NCKAP5: variants seen among roughly 807,000 people sequenced by gnomAD.
NCKAP5 encodes nck-associated protein 5.
NCKAP5 carries 92 observed loss-of-function variants against 167.0 expected under a neutral mutation model. That is an observed-to-expected ratio of 0.55 (90% confidence interval 0.47 to 0.66). The LOEUF is 0.66. Ranked by LOEUF, NCKAP5 falls within the 30% of genes least tolerant of loss-of-function variation. NCKAP5 has a pLI of 0.00. For missense variants in NCKAP5, 2,378 were observed against 2,315.0 expected (o/e 1.03, Z -0.56); for synonymous variants, 891 against 877.4 (o/e 1.02, Z -0.27).
chr2:133,443,740 C>T (rs1052646324), intron 3 of NCKAP5, among the ~76,000 whole-genome samples: 4 of 152,154 alleles, frequency 2.6e-5, no homozygotes, highest in African/African-American at 9.7e-5. Context: ...TTCTTCCTAC[C>T]CTAGAGCTGT....
At position 132,783,190 on chromosome 2, in the gene NCKAP5, A is replaced by G. The variant is rs202180979; in HGVS notation, c.3621T>C (p.Asn1207=). 3.1e-6 allele frequency: 5 copies of G among 1,613,912 alleles called. No homozygotes were observed. The Admixed American group carries it at 5.0e-5, about 16-fold the overall frequency. Residue 1207 remains asparagine (N), a synonymous_variant, in exon 14 of 20, where the codon AAT becomes AAC. Transcript: ENST00000409261. The part of the protein sequence containing the change: ...ASMEITAGER[N]VTLPDSQAQG... The stretch of plus-strand genomic sequence containing the variant: ...GTGCTTGTGAATCCGGTAGGGTCAC[A>G]TTTCTTTCACCCGCTGTGATCTCCA...
chr2:132,965,372 A>T (rs1299542638), intron 7 of NCKAP5, among the ~76,000 whole-genome samples: 1 of 152,158 alleles, frequency 6.6e-6, no homozygotes, highest in African/African-American at 2.4e-5. Flanking sequence ...TTACATTTCC[A>T]AGATAAGGAA....
intron 11 of NCKAP5, among the ~76,000 whole-genome samples, chr2:132,804,044 T>C (rs1685240142): frequency 6.6e-6 from 1 of 151,854 alleles, no homozygotes; most frequent in African/African-American, 2.4e-5. Flanking sequence ...AGCTCCCAAA[T>C]CTCTTGAAGT....
intron 5 of NCKAP5, among the ~76,000 whole-genome samples, chr2:133,174,588 C>G (rs1203826588): frequency 6.6e-6 from 1 of 152,046 alleles, no homozygotes. Flanking sequence ...ATTGTACCAG[C>G]TTTGGTTATT....
chr2:133,553,477 G>A (rs1186638308), intron 2 of NCKAP5, among the ~76,000 whole-genome samples: 2 of 152,170 alleles, frequency 1.3e-5, no homozygotes, highest in Admixed American at 1.3e-4. Context: ...TGGAAATAGG[G>A]GTTGAAAAAG....
intron 3 of NCKAP5, among the ~76,000 whole-genome samples, chr2:133,376,636 C>G (rs748199268): frequency 6.6e-6 from 1 of 152,198 alleles, no homozygotes; most frequent in Non-Finnish European, 1.5e-5. Flanking sequence ...AACACAGACT[C>G]TATTACAGCA....
chr2:133,431,976 T>G (rs189257579), intron 3 of NCKAP5, among the ~76,000 whole-genome samples: 1 of 152,256 alleles, frequency 6.6e-6, no homozygotes, highest in East Asian at 1.9e-4. Context: ...AGAAATAAAT[T>G]TGTTTCTCTC....
intron 5 of NCKAP5, among the ~76,000 whole-genome samples, chr2:133,198,280 TG>T (rs2085527068): frequency 6.6e-6 from 1 of 152,110 alleles, no homozygotes; most frequent in South Asian, 2.1e-4. Flanking sequence ...AAGACAAATT[TG>T]CTGATTCAAG....
intron 3 of NCKAP5, among the ~76,000 whole-genome samples, chr2:133,370,121 C>T (rs927239684): frequency 2.3e-4 from 35 of 152,288 alleles, no homozygotes; most frequent in Middle Eastern, 6.8e-3. Context: ...CGGGGGAAGA[C>T]AGGAGACCTT....
chr2:132,773,962 G>A, intron 15 of NCKAP5, 68 bp from the exon 16 acceptor site: 1 of 1,312,180 alleles, frequency 7.6e-7, no homozygotes, highest in Non-Finnish European at 1.1e-6. Context: ...GCAATCCTCA[G>A]AGTAATGGTA....
chr2:133,441,270 T>C (rs1048111270), intron 3 of NCKAP5, among the ~76,000 whole-genome samples: 1 of 152,236 alleles, frequency 6.6e-6, no homozygotes, highest in African/African-American at 2.4e-5. Context: ...GTTGACGCTA[T>C]ACCTGACATT....
chr2:133,566,929 C>T (rs1055275889), intron 1 of NCKAP5, among the ~76,000 whole-genome samples: 1 of 152,216 alleles, frequency 6.6e-6, no homozygotes, highest in Non-Finnish European at 1.5e-5. Context: ...GGATGTTACC[C>T]ACCTTAGGAC....
At chr2:133,458,624 G>A (rs1040299571) in intron 3 of NCKAP5, among the ~76,000 whole-genome samples, 2 of 152,036 alleles carry the variant, frequency 1.3e-5, no homozygotes, top group African/African-American at 2.4e-5. Flanking sequence ...CTACCACAAG[G>A]GAAAAGTAAG....
At chr2:133,183,556 G>C in intron 5 of NCKAP5, among the ~76,000 whole-genome samples, 1 of 131,864 alleles carries the variant, frequency 7.6e-6, no homozygotes, top group Non-Finnish European at 1.6e-5. Context: ...AATGGGAATG[G>C]AGGGGAACTT....
At chr2:132,807,273 G>GT (rs903437087) in intron 11 of NCKAP5, among the ~76,000 whole-genome samples, 2 of 151,778 alleles carry the variant, frequency 1.3e-5, no homozygotes, top group African/African-American at 2.4e-5. Flanking sequence ...TTTTAGAATT[G>GT]TTTTTTTCTA....
chr2:133,191,828 T>C (rs958026585), intron 5 of NCKAP5, among the ~76,000 whole-genome samples: 13 of 151,766 alleles, frequency 8.6e-5, no homozygotes, highest in Admixed American at 3.9e-4. Flanking sequence ...AAATGATGAG[T>C]TCATGGGTGC....
intron 8 of NCKAP5, among the ~76,000 whole-genome samples, chr2:132,887,687 C>A (rs960128189): frequency 9.9e-5 from 15 of 152,268 alleles, no homozygotes; most frequent in African/African-American, 3.6e-4. Context: ...GGCTCTGTCA[C>A]CCAGGCTGGA....
At chr2:132,705,501 T>G (rs10439200) in intron 19 of NCKAP5, among the ~76,000 whole-genome samples, 13,177 of 152,166 alleles carry the variant, frequency 0.087, 1,782 homozygotes, top group African/African-American at 0.29. Context: ...CCTATCAGTG[T>G]CATTTGATAT....
chr2:132,693,204 G>A (rs982547902), intron 19 of NCKAP5, among the ~76,000 whole-genome samples: 8 of 152,158 alleles, frequency 5.3e-5, no homozygotes, highest in African/African-American at 1.7e-4. Context: ...GGTTGAACTA[G>A]GTCCCCTAAA....
Sources: gnomAD v4.1 joint callset for allele counts (sites outside exome capture counted in the v4.1 genomes callset) on GRCh38, gnomAD v4.1.1 for gene constraint, MANE v1.5 for transcripts, NCBI Gene and HGNC (gene_info 2026-07-23, HGNC 2026-07-21) for gene names.